The following TMEM178A variants were observed in gnomAD, a reference collection of about 807,000 sequenced individuals.
The protein encoded by TMEM178A is transmembrane protein 178A, also known as transmembrane protein 178.
In TMEM178A, 12 loss-of-function variants were observed where a neutral mutation model predicts 29.1. The observed-to-expected ratio is 0.41, with a 90% CI of 0.26 to 0.67. The LOEUF (loss-of-function observed/expected upper bound fraction) is 0.67, where lower values mean the gene tolerates loss of function less well. Among genes scored for constraint, TMEM178A ranks in the 30% least tolerant of loss-of-function variants. The pLI is 0.29. For synonymous variants in TMEM178A, 210 were observed against 187.2 expected (o/e 1.12, Z -0.99); for missense variants, 366 against 419.1 (o/e 0.87, Z 1.11).
chr2:39,708,041 T>G (rs1044146567), intron 3 of TMEM178A, among the ~76,000 whole-genome samples: 6 of 152,182 alleles, frequency 3.9e-5, no homozygotes, highest in Non-Finnish European at 8.8e-5. Context: ...CAGGCAAAAT[T>G]CTTGTTCATT....
intron 1 of TMEM178A, among the ~76,000 whole-genome samples, chr2:39,686,716 G>A (rs554223006): frequency 6.6e-6 from 1 of 151,706 alleles, no homozygotes; most frequent in East Asian, 1.9e-4. Flanking sequence ...ATGACAGAGT[G>A]AGTGGGGGCT....
intron 1 of TMEM178A, among the ~76,000 whole-genome samples, chr2:39,703,148 G>A (rs1214000124): frequency 6.6e-6 from 1 of 152,148 alleles, no homozygotes; most frequent in Non-Finnish European, 1.5e-5. Context: ...GGCTGGCAGT[G>A]TTAAAGGACT....
chr2:39,681,266 A>G (rs1053823126), intron 1 of TMEM178A, among the ~76,000 whole-genome samples: 2 of 152,212 alleles, frequency 1.3e-5, no homozygotes, highest in African/African-American at 4.8e-5. Flanking sequence ...CAAAGCAGAC[A>G]TTAGGTAGAC....
intron 3 of TMEM178A, among the ~76,000 whole-genome samples, chr2:39,710,303 GT>G (rs1672248806): frequency 6.6e-6 from 1 of 152,186 alleles, no homozygotes; most frequent in African/African-American, 2.4e-5. Flanking sequence ...TTGTTCTGTT[GT>G]TTTGTTTTGG....
chr2:39,691,336 G>A (rs1671310287), intron 1 of TMEM178A, among the ~76,000 whole-genome samples: 1 of 152,158 alleles, frequency 6.6e-6, no homozygotes. Context: ...ATCCTCATAA[G>A]ACTACCAGTG....
intron 1 of TMEM178A, among the ~76,000 whole-genome samples, chr2:39,682,393 T>A (rs1408276119): frequency 2.6e-5 from 4 of 151,692 alleles, no homozygotes; most frequent in Non-Finnish European, 2.9e-5. Flanking sequence ...TTTTTTTTTT[T>A]AAATATTGTG....
intron 3 of TMEM178A, among the ~76,000 whole-genome samples, chr2:39,713,346 A>G (rs866521054): frequency 6.6e-6 from 1 of 152,254 alleles, no homozygotes; most frequent in Admixed American, 6.5e-5. Flanking sequence ...TATTTCATGC[A>G]TGAGTACAAA....
chr2:39,735,014 T>G, the TMEM178A span, among the ~76,000 whole-genome samples: 2 of 152,298 alleles, frequency 1.3e-5, no homozygotes, highest in South Asian at 4.1e-4. Flanking sequence ...TCTCTTTACT[T>G]TCACCCTTCT....
intron 1 of TMEM178A, among the ~76,000 whole-genome samples, chr2:39,667,934 G>C (rs1009532500): frequency 6.6e-6 from 1 of 152,196 alleles, no homozygotes; most frequent in Non-Finnish European, 1.5e-5. Flanking sequence ...TGCTCATTTA[G>C]GCAAGGCAAT....
In TMEM178A at chr2:39,716,206, T is replaced by C. The variant is rs115899650; in HGVS notation, c.653-804T>C. Among the ~76,000 whole-genome samples the C allele has an allele frequency of 9.8e-3, 1,499 of 152,324 alleles. 21 individuals carry two copies. Among genetic ancestry groups the C allele is most frequent in the Middle Eastern group, 0.041 (12 of 294 alleles). The stretch of plus-strand genomic sequence containing the variant: ...CCAAAAGGAGCATCTTGAGGGTCCA[T>C]TGCGGTGGAATAGAAGCACCTATAT... On this transcript the variant is annotated intron_variant, in intron 3 of 3. Transcript: ENST00000281961.
intron 1 of TMEM178A, among the ~76,000 whole-genome samples, chr2:39,701,165 A>G (rs1336974604): frequency 6.6e-6 from 1 of 152,148 alleles, no homozygotes; most frequent in Non-Finnish European, 1.5e-5. Context: ...TTTTTTAAAT[A>G]TGGGTTCAGT....
chr2:39,718,579 G>T (rs1407896669), downstream of TMEM178A, among the ~76,000 whole-genome samples: 3 of 152,186 alleles, frequency 2.0e-5, no homozygotes, highest in African/African-American at 7.2e-5. Flanking sequence ...GCCAGTAACT[G>T]GGCTGTGGTG....
downstream of TMEM178A, among the ~76,000 whole-genome samples, chr2:39,720,839 G>T (rs116648612): frequency 0.029 from 4,403 of 152,310 alleles, 84 homozygotes; most frequent in South Asian, 0.039. Context: ...AATGGAAAGA[G>T]AATATAGCTT....
intron 3 of TMEM178A, among the ~76,000 whole-genome samples, chr2:39,710,378 A>G (rs1227365239): frequency 6.6e-6 from 1 of 152,214 alleles, no homozygotes; most frequent in Non-Finnish European, 1.5e-5. Flanking sequence ...ACCTGAAAAC[A>G]AAACAACCTT....
At chr2:39,718,362 G>T (rs1039228494), downstream of TMEM178A, among the ~76,000 whole-genome samples, 6 of 152,168 alleles carry the variant, frequency 3.9e-5, no homozygotes, top group African/African-American at 1.4e-4. Context: ...ACCTGGTGAG[G>T]TCTTCAGCTG....
At chr2:39,679,770 G>A (rs1171955329) in intron 1 of TMEM178A, among the ~76,000 whole-genome samples, 1 of 152,108 alleles carries the variant, frequency 6.6e-6, no homozygotes, top group Non-Finnish European at 1.5e-5. Flanking sequence ...CAGTAAAACG[G>A]TTGCAATTCC....
the TMEM178A span, among the ~76,000 whole-genome samples, chr2:39,726,801 G>T: frequency 6.6e-6 from 1 of 152,134 alleles, no homozygotes; most frequent in South Asian, 2.1e-4. Context: ...ATGTGTAAGG[G>T]TTGGGGGTGG....
At chr2:39,720,911 G>A (rs1449563252), downstream of TMEM178A, among the ~76,000 whole-genome samples, 3 of 152,292 alleles carry the variant, frequency 2.0e-5, no homozygotes, top group Admixed American at 6.5e-5. Flanking sequence ...CAACCTAGAC[G>A]TAACTTAAAA....
the TMEM178A span, among the ~76,000 whole-genome samples, chr2:39,727,667 T>C: frequency 6.6e-6 from 1 of 152,130 alleles, no homozygotes; most frequent in Non-Finnish European, 1.5e-5. Flanking sequence ...GCTGCACCCA[T>C]CAACTCATCA....
Sources: allele counts gnomAD v4.1 joint callset (sites outside exome capture counted in the v4.1 genomes callset), GRCh38; gene constraint gnomAD v4.1.1; transcripts MANE v1.5; gene names NCBI Gene and HGNC (gene_info 2026-07-23, HGNC 2026-07-21).